Variants in DMRT3 observed in about 807,000 individuals in gnomAD.
DMRT3 encodes doublesex and mab-3 related transcription factor 3, also known as doublesex- and mab-3-related transcription factor 3.
In DMRT3, 29 loss-of-function variants were observed where a neutral mutation model predicts 34.9. The ratio of observed to expected loss-of-function variants is 0.83; its 90% confidence interval spans 0.62 to 1.13. The LOEUF is 1.13. Ranked by LOEUF, DMRT3 falls within the 50% of genes most tolerant of loss-of-function variation. The pLI is 0.00. For synonymous variants in DMRT3, 350 were observed against 286.0 expected (o/e 1.22, Z -2.26); for missense variants, 772 against 629.1 (o/e 1.23, Z -2.43).
Position 977,110 on chromosome 9 carries a change from G to A in DMRT3, c.109G>A (p.Val37Ile), listed in dbSNP as rs756448863. The A allele has an allele frequency of 6.2e-7, 1 of 1,608,850 alleles. No homozygotes were observed. The highest frequency in any genetic ancestry group is 1.1e-5 in the South Asian group (1 of 90,334). Residue 37 changes from valine (V) to isoleucine (I), a missense_variant, in exon 1 of 2, where the codon GTC becomes ATC. Coordinates refer to ENST00000190165, the MANE Select transcript of DMRT3 (RefSeq NM_021240.4). ...GTGCGCGCGCTGCCGCAACCATGGC[G>A]TCCTGTCCTGGCTCAAGGGCCACAA... is the stretch of plus-strand genomic sequence containing the variant. ...PKCARCRNHGVLSWLKGHKRY... is the reference protein window; with the variant it reads ...PKCARCRNHGILSWLKGHKRY...
intron 1 of DMRT3, among the ~76,000 whole-genome samples, chr9:988,527 T>G (rs1049377852): frequency 2.6e-4 from 40 of 152,290 alleles, no homozygotes; most frequent in African/African-American, 9.1e-4. Flanking sequence ...TAGAAGGTGC[T>G]TTGATGAAAT....
chr9:990,458 C>T lies in DMRT3; in HGVS notation c.872C>T (p.Ser291Leu). The T allele has an allele frequency of 6.2e-7, 1 of 1,614,204 alleles. No homozygotes were observed. The highest frequency in any genetic ancestry group is 1.1e-5 in the South Asian group (1 of 91,084). ...GAAGTCCTTCTGTCCAGCCGATCCT[C>T]AGTCACGGGAGCAGAGCGAACTTCC... Reference protein sequence around the residue: ...AVEVLLSSRSSVTGAERTSAE... With the variant: ...AVEVLLSSRSLVTGAERTSAE... Residue 291 changes from serine to leucine, a missense_variant, in exon 2 of 2, where the codon TCA (serine) becomes TTA (leucine). Transcript: ENST00000190165.
chr9:989,526 A>G (rs772132104), intron 1 of DMRT3, among the ~76,000 whole-genome samples: 1 of 152,230 alleles, frequency 6.6e-6, no homozygotes, highest in Non-Finnish European at 1.5e-5. Context: ...GGTTCATAAG[A>G]CATATTTAAC....
In DMRT3 at chr9:990,548, A is replaced by C; in HGVS notation, c.962A>C (p.Tyr321Ser). 6.2e-7 allele frequency: 1 copy of C among 1,613,852 alleles called. No homozygotes were observed. The highest frequency in any genetic ancestry group is 8.5e-7 in the Non-Finnish European group (1 of 1,179,950). The change falls in exon 2 of 2, where the codon TAC becomes TCC. Residue 321 changes from tyrosine to serine, a missense_variant. By Grantham distance (144) the Tyr-to-Ser change is moderately radical. Transcript: ENST00000190165. ...GHIFEHTLSS[Y>S]PISSSKWSVG... ...ATCTTTGAACACACCTTGAGCTCCT[A>C]CCCCATCTCGTCTTCCAAATGGTCT...
intron 1 of DMRT3, among the ~76,000 whole-genome samples, chr9:985,112 A>C (rs925730302): frequency 6.6e-6 from 1 of 152,196 alleles, no homozygotes; most frequent in African/African-American, 2.4e-5. Context: ...AGTTTATTTC[A>C]GGGATAGCTA....
chr9:990,855 C>A lies in DMRT3; in HGVS notation c.1269C>A (p.Pro423=). The change falls in exon 2 of 2, where the codon CCC becomes CCA. Residue 423 remains proline, a synonymous_variant. Transcript: ENST00000190165. ...SNSTSVFRSS[P]VLPARATEDP... is the part of the protein sequence containing the mutation. ...CTACCAGCGTCTTCAGAAGCTCGCCCGTCCTTCCTGCCCGCGCCACGGAAG... is the reference window on the plus strand; with the variant it reads ...CTACCAGCGTCTTCAGAAGCTCGCCAGTCCTTCCTGCCCGCGCCACGGAAG... 6.2e-7 allele frequency: 1 copy of A among 1,614,152 alleles called. No homozygotes were observed. Among genetic ancestry groups the A allele is most frequent in the African/African-American group, 1.3e-5 (1 of 75,048 alleles).
At position 977,241 on chromosome 9, in the gene DMRT3, C is replaced by T. The variant is rs745544353; in HGVS notation, c.240C>T (p.Asn80=). The change falls in exon 1 of 2, where the codon AAC becomes AAT. Residue 80 remains asparagine (N), a synonymous_variant. Transcript: ENST00000190165. The stretch of plus-strand genomic sequence containing the variant: ...TGGCGCTGCGCCGGCAGCAGGCCAA[C>T]GAGAGCTTGGAGAGCCTCATCCCCG... ...AQVALRRQQA[N]ESLESLIPDS... is the part of the protein sequence containing the mutation. 1.3e-6 allele frequency: 2 copies of T among 1,598,440 alleles called. No individual in the cohort carries two copies. The highest frequency in any genetic ancestry group is 2.3e-5 in the East Asian group (1 of 43,712).
chr9:979,390 G>T (rs776820624), intron 1 of DMRT3, among the ~76,000 whole-genome samples: 3 of 152,124 alleles, frequency 2.0e-5, no homozygotes, highest in Non-Finnish European at 4.4e-5. Flanking sequence ...AGCACTCAGG[G>T]ATAGCCTGAG....
chr9:989,438 A>G (rs934340423), intron 1 of DMRT3, among the ~76,000 whole-genome samples: 14 of 152,326 alleles, frequency 9.2e-5, no homozygotes, highest in African/African-American at 3.1e-4. Context: ...AAAGATTTCA[A>G]TGGATAGAGG....
In DMRT3 at chr9:977,368, C is replaced by G. The variant is rs1820165006; in HGVS notation, c.367C>G (p.Pro123Ala). The change falls in exon 1 of 2, where the codon CCT (proline) becomes GCT (alanine). Residue 123 changes from proline (P) to alanine (A), a missense_variant. Transcript: ENST00000190165. ...GCCGTCGCAGCCGCAGCCGCCGCGC[C>G]CTGCTGCCGAGTTGGCCGCGGCCGC... ...SQPSQPQPPR[P>A]AAELAAAAAL... is the part of the protein sequence containing the mutation. 8.1e-7 allele frequency: 1 copy of G among 1,230,092 alleles called. No homozygotes were observed. The highest frequency in any genetic ancestry group is 1.0e-6 in the Non-Finnish European group (1 of 988,576). 76.2% of individuals were successfully genotyped at this position (1,230,092 alleles called of 1,614,324 possible).
intron 1 of DMRT3, among the ~76,000 whole-genome samples, chr9:984,535 C>T (rs1355537984): frequency 6.6e-6 from 1 of 151,752 alleles, no homozygotes; most frequent in African/African-American, 2.4e-5. Flanking sequence ...CAGCTCACTG[C>T]AAGCTCTGCC....
chr9:986,551 T>G (rs1820286835), intron 1 of DMRT3, among the ~76,000 whole-genome samples: 1 of 152,182 alleles, frequency 6.6e-6, no homozygotes, highest in Non-Finnish European at 1.5e-5. Flanking sequence ...GGGCAGGGGA[T>G]GTACCTTTTA....
Position 990,591 on chromosome 9 carries a change from A to G in DMRT3, c.1005A>G (p.Arg335=). ...SSKWSVGSAF[R]VPDTLRFSAD... ...AATGGTCTGTGGGATCAGCCTTTCG[A>G]GTCCCAGACACGTTGAGGTTTTCTG... The change falls in exon 2 of 2, where the codon CGA becomes CGG. Residue 335 remains arginine, a synonymous_variant. Coordinates refer to ENST00000190165, the MANE Select transcript of DMRT3 (RefSeq NM_021240.4). 6.2e-7 allele frequency: 1 copy of G among 1,614,030 alleles called. No individual in the cohort carries two copies. The highest frequency in any genetic ancestry group is 8.5e-7 in the Non-Finnish European group (1 of 1,180,012).
chr9:982,094 G>C (rs1820227783), intron 1 of DMRT3, among the ~76,000 whole-genome samples: 1 of 152,184 alleles, frequency 6.6e-6, no homozygotes, highest in Admixed American at 6.5e-5. Context: ...TTGTTTATTT[G>C]ATGGTCCCAC....
intron 1 of DMRT3, among the ~76,000 whole-genome samples, chr9:987,062 CAT>C (rs995504584): frequency 8.6e-5 from 13 of 152,012 alleles, no homozygotes; most frequent in African/African-American, 2.4e-4. Flanking sequence ...GTATATATAA[CAT>C]AAAGTTTACA....
Position 991,136 on chromosome 9 carries a change from C to T in DMRT3, c.*131C>T, listed in dbSNP as rs1820359620. 5.7e-6 allele frequency: 7 copies of T among 1,218,574 alleles called. No individual in the cohort carries two copies. The South Asian group carries it at 7.6e-5, about 13-fold the overall frequency. 75.5% of individuals were successfully genotyped at this position (1,218,574 alleles called of 1,614,324 possible). A position where few individuals can be genotyped will look rare whatever the true frequency, so the allele number is the denominator to read the frequency against. On this transcript the variant is annotated 3_prime_UTR_variant, in exon 2 of 2. Coordinates refer to ENST00000190165, the MANE Select transcript of DMRT3 (RefSeq NM_021240.4). ...CAAAGTGACTGTGCTTGATTCTATACATTAGCAATAAAAACATAACTTATT... is the reference window on the plus strand; with the variant it reads ...CAAAGTGACTGTGCTTGATTCTATATATTAGCAATAAAAACATAACTTATT...
chr9:987,729 A>C (rs1820303196), intron 1 of DMRT3, among the ~76,000 whole-genome samples: 2 of 152,164 alleles, frequency 1.3e-5, no homozygotes, highest in South Asian at 4.2e-4. Flanking sequence ...CAGAAATATA[A>C]ATACTTGGTG....
chr9:980,252 G>C (rs1294177748), intron 1 of DMRT3, among the ~76,000 whole-genome samples: 1 of 152,102 alleles, frequency 6.6e-6, no homozygotes, highest in African/African-American at 2.4e-5. Context: ...TTTTGTAACT[G>C]GAAGAATTTT....
chr9:981,637 A>G (rs1820222352), intron 1 of DMRT3, among the ~76,000 whole-genome samples: 1 of 152,072 alleles, frequency 6.6e-6, no homozygotes, highest in East Asian at 1.9e-4. Flanking sequence ...GTTTGCACGC[A>G]GTGCAGTTGC....
Sources: allele counts gnomAD v4.1 joint callset (sites outside exome capture counted in the v4.1 genomes callset), GRCh38; gene constraint gnomAD v4.1.1; transcripts MANE v1.5; gene names NCBI Gene and HGNC (gene_info 2026-07-23, HGNC 2026-07-21).